The following SH3PXD2A variants were observed in gnomAD, a reference collection of about 807,000 sequenced individuals.
SH3PXD2A encodes the protein SH3 and PX domain-containing protein 2A.
SH3PXD2A carries 32 observed loss-of-function variants against 115.2 expected under a neutral mutation model. The ratio of observed to expected loss-of-function variants is 0.28; its 90% CI spans 0.21 to 0.37. The LOEUF (loss-of-function observed/expected upper bound fraction) is 0.37, where lower values mean the gene tolerates loss of function less well. Among genes scored for constraint, SH3PXD2A ranks in the 10% least tolerant of loss-of-function variants. The pLI is 1.00. For missense variants in SH3PXD2A, 1,328 were observed against 1,498.7 expected (o/e 0.89, Z 1.88); for synonymous variants, 610 against 629.1 (o/e 0.97, Z 0.45).
chr10:103,729,179 C>A (rs2038284081), intron 4 of SH3PXD2A, among the ~76,000 whole-genome samples: 1 of 152,210 alleles, frequency 6.6e-6, no homozygotes, highest in South Asian at 2.1e-4. Flanking sequence ...GGATTACAGG[C>A]ATGAGCCATG....
chr10:103,708,395 G>T (rs1037679945), intron 5 of SH3PXD2A, among the ~76,000 whole-genome samples: 23 of 152,114 alleles, frequency 1.5e-4, no homozygotes, highest in African/African-American at 5.1e-4. Flanking sequence ...TGGGAGGTTG[G>T]AGCCCAGGCC....
chr10:103,671,748 G>C (rs1004112831), intron 6 of SH3PXD2A, among the ~76,000 whole-genome samples: 18 of 152,112 alleles, frequency 1.2e-4, no homozygotes, highest in African/African-American at 3.9e-4. Context: ...GAGACAGAGG[G>C]ACAGGGGTGA....
At chr10:103,818,800 C>T (rs959064559) in intron 1 of SH3PXD2A, among the ~76,000 whole-genome samples, 3 of 152,116 alleles carry the variant, frequency 2.0e-5, no homozygotes. Flanking sequence ...GTGATCTCAC[C>T]CACCCTCCAC....
intron 4 of SH3PXD2A, among the ~76,000 whole-genome samples, chr10:103,733,482 A>C (rs1243420666): frequency 2.6e-5 from 4 of 152,246 alleles, no homozygotes; most frequent in Non-Finnish European, 2.9e-5. Flanking sequence ...AGGAAAAAAG[A>C]GAAATAAAAG....
intron 13 of SH3PXD2A, among the ~76,000 whole-genome samples, chr10:103,608,014 C>T (rs1389811458): frequency 9.9e-5 from 15 of 151,972 alleles, no homozygotes; most frequent in Non-Finnish European, 2.1e-4. Context: ...ACAAACACTG[C>T]GGAAGGCCTC....
chr10:103,643,697 G>A (rs1299307264), intron 8 of SH3PXD2A, among the ~76,000 whole-genome samples: 1 of 152,168 alleles, frequency 6.6e-6, no homozygotes, highest in East Asian at 1.9e-4. Context: ...AGAACTGAAA[G>A]GAAAGAAACT....
chr10:103,676,221 C>A (rs74154586), intron 6 of SH3PXD2A, among the ~76,000 whole-genome samples: 3,228 of 152,250 alleles, frequency 0.021, 50 homozygotes, highest in African/African-American at 0.046. Flanking sequence ...TGCTGCTTTT[C>A]GTAAATGCAG....
chr10:103,814,379 A>G (rs1366347356), intron 1 of SH3PXD2A, among the ~76,000 whole-genome samples: 1 of 152,210 alleles, frequency 6.6e-6, no homozygotes, highest in Non-Finnish European at 1.5e-5. Context: ...TAAGAGACAT[A>G]CGATAGCTGG....
rs376498733 is a variant in SH3PXD2A, at chr10:103,701,145, TATCCATCC to T, written c.399-8097_399-8090del. Among the ~76,000 whole-genome samples the T allele has an allele frequency of 8.5e-4, 47 of 55,418 alleles. 4 individuals carry two copies. Among genetic ancestry groups the T allele is most frequent in the Non-Finnish European group, 9.9e-4 (28 of 28,348 alleles). The allele number at this position is 55,418 out of a possible 152,430, so 36.4% of individuals were successfully genotyped here. On this transcript the variant is annotated intron_variant, in intron 5 of 14. Transcript: ENST00000369774. ...CATCATCCATCCATCATCCATCCAC[TATCCATCC>T]ATCCATCCATCCATCCATCCATCCA...
chr10:103,607,556 C>T (rs1343770565), intron 13 of SH3PXD2A, among the ~76,000 whole-genome samples: 3 of 151,630 alleles, frequency 2.0e-5, no homozygotes, highest in Non-Finnish European at 4.4e-5. Flanking sequence ...CCCGGCCAGC[C>T]GCCCCGTCCG....
At chr10:103,732,291 C>G (rs1425770685) in intron 4 of SH3PXD2A, among the ~76,000 whole-genome samples, 1 of 152,186 alleles carries the variant, frequency 6.6e-6, no homozygotes, top group East Asian at 1.9e-4. Flanking sequence ...TCTTGTTAGT[C>G]TGATGAAAGT....
intron 4 of SH3PXD2A, among the ~76,000 whole-genome samples, chr10:103,727,786 G>A (rs921405397): frequency 2.0e-5 from 3 of 152,230 alleles, no homozygotes; most frequent in Non-Finnish European, 4.4e-5. Flanking sequence ...TTAACGGGGA[G>A]CCCTGAGGGG....
At chr10:103,747,708 A>G (rs1222216196) in intron 3 of SH3PXD2A, among the ~76,000 whole-genome samples, 1 of 151,962 alleles carries the variant, frequency 6.6e-6, no homozygotes, top group Non-Finnish European at 1.5e-5. Flanking sequence ...GCCTGTCGGT[A>G]AAGGGCCCAA....
At chr10:103,757,649 C>A (rs944620814) in intron 3 of SH3PXD2A, among the ~76,000 whole-genome samples, 1 of 152,150 alleles carries the variant, frequency 6.6e-6, no homozygotes, top group Non-Finnish European at 1.5e-5. Flanking sequence ...AAGCCCCTTG[C>A]GTGGCTGACC....
intron 4 of SH3PXD2A, among the ~76,000 whole-genome samples, chr10:103,729,102 G>A (rs1276089434): frequency 2.0e-5 from 3 of 152,062 alleles, no homozygotes; most frequent in Non-Finnish European, 2.9e-5. Context: ...CACCAAGTTG[G>A]CCAGGCTGAT....
At chr10:103,652,614 T>C (rs1197023762) in intron 8 of SH3PXD2A, among the ~76,000 whole-genome samples, 4 of 152,230 alleles carry the variant, frequency 2.6e-5, no homozygotes, top group South Asian at 2.1e-4. Flanking sequence ...TGAAAAATTA[T>C]ACTCCCCAGA....
chr10:103,738,721 C>T (rs1190387288), intron 3 of SH3PXD2A, among the ~76,000 whole-genome samples: 1 of 152,090 alleles, frequency 6.6e-6, no homozygotes, highest in Non-Finnish European at 1.5e-5. Flanking sequence ...CCTCTCCCAG[C>T]CCCCAATCTC....
intron 1 of SH3PXD2A, among the ~76,000 whole-genome samples, chr10:103,805,566 G>A (rs1306162524): frequency 2.0e-5 from 3 of 152,216 alleles, no homozygotes; most frequent in African/African-American, 7.2e-5. Flanking sequence ...ATCCCCCCTC[G>A]GAAAAGTTCT....
At chr10:103,848,003 T>C (rs911739131) in intron 1 of SH3PXD2A, among the ~76,000 whole-genome samples, 3 of 151,788 alleles carry the variant, frequency 2.0e-5, no homozygotes, top group Non-Finnish European at 4.4e-5. Context: ...AACATTAGTG[T>C]AGATGGTTCA....
Sources: allele counts gnomAD v4.1 joint callset (sites outside exome capture counted in the v4.1 genomes callset), GRCh38; gene constraint gnomAD v4.1.1; transcripts MANE v1.5; gene names NCBI Gene and HGNC (gene_info 2026-07-23, HGNC 2026-07-21).